The following PIN4 variants were observed in gnomAD, a reference collection of about 807,000 sequenced individuals.
The protein encoded by PIN4 is peptidyl-prolyl cis-trans isomerase NIMA-interacting 4.
In PIN4, 3 loss-of-function variants were observed where a neutral mutation model predicts 8.3. The ratio of observed to expected loss-of-function variants is 0.36; its 90% CI spans 0.16 to 0.93. The LOEUF (loss-of-function observed/expected upper bound fraction) is 0.93. Among genes scored for constraint, PIN4 ranks in the 40% least tolerant of loss-of-function variants. PIN4 has a pLI of 0.44. For missense variants in PIN4, 75 were observed against 100.6 expected, an observed-to-expected ratio of 0.75 and a Z score of 1.09; for synonymous variants, 18 against 32.5, an observed-to-expected ratio of 0.55 and a Z score of 1.52.
chrX:72,181,717 A>T (rs764405239), upstream of PIN4: 6 of 1,095,271 alleles, frequency 5.5e-6, no homozygotes, highest in Admixed American at 1.3e-4. Context: ...GGACATGCCC[A>T]TGGCGGGGCT....
rs145552338 is a variant in PIN4, at chrX:72,254,174, T to G, written c.313-8533T>G. On this transcript the variant is annotated intron_variant, in intron 3 of 3. Transcript: ENST00000423432. The stretch of plus-strand genomic sequence containing the variant: ...CTGTGTGATTTCCAAATCTCACCCT[T>G]TTTCTTCAGGCACATTGGCCTTCTT... 4.4e-3 allele frequency among the ~76,000 whole-genome samples: 496 copies of G among 111,522 alleles called. 2 individuals are homozygous for G. Among genetic ancestry groups the G allele is most frequent in the African/African-American group, 0.015 (458 of 30,691 alleles).
At chrX:72,233,678 C>T (rs957772079) in intron 3 of PIN4, among the ~76,000 whole-genome samples, 2 of 104,071 alleles carry the variant, frequency 1.9e-5, no homozygotes, top group African/African-American at 7.3e-5. Context: ...GCCGAGATTG[C>T]GCCACCACAC....
At chrX:72,246,394 G>T (rs997110524) in intron 3 of PIN4, among the ~76,000 whole-genome samples, 2 of 111,629 alleles carry the variant, frequency 1.8e-5, no homozygotes, top group Non-Finnish European at 3.8e-5. Context: ...TTGTCTTCCT[G>T]CTTCTATTTG....
At chrX:72,208,711 AAAG>A (rs759187037) in intron 3 of PIN4, 72 of 1,142,533 alleles carry the variant, frequency 6.3e-5, no homozygotes, top group South Asian at 1.6e-4. Flanking sequence ...ATAGAAAAAA[AAAG>A]AAGAAGAGGA....
At chrX:72,189,042 G>A (rs2042718130) in intron 2 of PIN4, among the ~76,000 whole-genome samples, 1 of 111,659 alleles carries the variant, frequency 9.0e-6, no homozygotes, top group African/African-American at 3.3e-5. Context: ...GTGTGTGCCT[G>A]TAGTCCCAGC....
intron 2 of PIN4, among the ~76,000 whole-genome samples, chrX:72,190,254 A>G (rs891089954): frequency 8.9e-5 from 10 of 112,108 alleles, no homozygotes; most frequent in Admixed American, 8.6e-4. Context: ...CCTGCTACTC[A>G]GGATCAATCC....
intron 3 of PIN4, among the ~76,000 whole-genome samples, chrX:72,234,475 A>T (rs1301371835): frequency 1.8e-5 from 2 of 112,332 alleles, no homozygotes; most frequent in Non-Finnish European, 3.8e-5. Flanking sequence ...AAGTTAGGAG[A>T]AAAGAAATAG....
chrX:72,244,518 G>C (rs1352287235), intron 3 of PIN4, among the ~76,000 whole-genome samples: 2 of 111,363 alleles, frequency 1.8e-5, no homozygotes, highest in Non-Finnish European at 3.8e-5. Context: ...GAGTTGAAAC[G>C]GTTTTTTGGA....
intron 1 of PIN4, among the ~76,000 whole-genome samples, chrX:72,184,031 T>G: frequency 8.9e-6 from 1 of 112,469 alleles, no homozygotes; most frequent in Non-Finnish European, 1.9e-5. Flanking sequence ...GGCCATGAAT[T>G]TGTAGACTAC....
At position 72,234,076 on chromosome X, in the gene PIN4, C is replaced by T. The variant is rs749075334; in HGVS notation, c.313-28631C>T. Among the ~76,000 whole-genome samples the T allele has an allele frequency of 1.3e-4, 14 of 109,849 alleles. No homozygotes were observed. The South Asian group carries it at 5.1e-3, about 40-fold the overall frequency. On this transcript the variant is annotated intron_variant, in intron 3 of 3. Coordinates refer to the PIN4 transcript ENST00000423432. Reference sequence around the variant, plus strand: ...AGTGAGCTGAGATTGCGCCACTGCACTCCAGCCTGGGCAACAGAGCAAGAC... The same window carrying T: ...AGTGAGCTGAGATTGCGCCACTGCATTCCAGCCTGGGCAACAGAGCAAGAC...
At chrX:72,184,854 C>A (rs2042691093) in intron 1 of PIN4, among the ~76,000 whole-genome samples, 1 of 110,905 alleles carries the variant, frequency 9.0e-6, no homozygotes, top group African/African-American at 3.3e-5. Context: ...TAAAACTTTT[C>A]AATGGCGGCC....
downstream of PIN4, among the ~76,000 whole-genome samples, chrX:72,201,953 A>T (rs1329333833): frequency 8.9e-6 from 1 of 112,760 alleles, no homozygotes; most frequent in Non-Finnish European, 1.9e-5. Flanking sequence ...AATTTTTGGG[A>T]GTTTAAATAT....
At chrX:72,216,611 T>C (rs1320848901) in intron 3 of PIN4, among the ~76,000 whole-genome samples, 1 of 111,804 alleles carries the variant, frequency 8.9e-6, no homozygotes, top group Non-Finnish European at 1.9e-5. Flanking sequence ...ATCTACTGTT[T>C]GTCTCTGTGT....
At position 72,196,782 on chromosome X, in the gene PIN4, C is replaced by T. The variant is rs1265654199; in HGVS notation, c.118-3C>T. On this transcript the variant is annotated splice_polypyrimidine_tract_variant and splice_region_variant and intron_variant, in intron 2 of 3. Transcript: ENST00000373669. ...ATTACATGAATGTACTTTTTCCTTG[C>T]AGGTCAGACACATTCTATGTGAAAA... The T allele has an allele frequency of 1.7e-6, 2 of 1,196,803 alleles. No individual in the cohort carries two copies. The highest frequency in any genetic ancestry group is 2.3e-6 in the Non-Finnish European group (2 of 887,847).
chrX:72,243,518 T>C (rs1602458368), intron 3 of PIN4, among the ~76,000 whole-genome samples: 2 of 111,649 alleles, frequency 1.8e-5, no homozygotes, highest in Non-Finnish European at 3.8e-5. Context: ...TGAACAAAGA[T>C]TGGCAAAATG....
chrX:72,197,306 C>T, intron 3 of PIN4, 62 bp from the exon 4 acceptor site: 2 of 1,044,380 alleles, frequency 1.9e-6, no homozygotes, highest in East Asian at 6.5e-5. Context: ...TTCTCTCAAG[C>T]TACAGTAGAA....
intron 1 of PIN4, among the ~76,000 whole-genome samples, chrX:72,183,892 A>G (rs1284851700): frequency 9.0e-6 from 1 of 111,049 alleles, no homozygotes; most frequent in African/African-American, 3.3e-5. Context: ...GTCATAGGAA[A>G]GGAGATGGAG....
intron 3 of PIN4, among the ~76,000 whole-genome samples, chrX:72,222,086 GT>G (rs1039138893): frequency 9.2e-6 from 1 of 109,051 alleles, no homozygotes; most frequent in African/African-American, 3.4e-5. Context: ...TTCTCCACCT[GT>G]TACCCGTTCA....
At chrX:72,206,213 G>A in intron 3 of PIN4, 1 of 1,210,856 alleles carries the variant, frequency 8.3e-7, no homozygotes, top group Admixed American at 2.2e-5. Context: ...TCTTGCTTAG[G>A]CCCCTCTTGT....
Sources: gnomAD v4.1 joint callset for allele counts (sites outside exome capture counted in the v4.1 genomes callset) on GRCh38, gnomAD v4.1.1 for gene constraint, MANE v1.5 for transcripts, NCBI Gene and HGNC (gene_info 2026-07-23, HGNC 2026-07-21) for gene names.